TAFA2: variants seen among roughly 807,000 people sequenced by gnomAD.
TAFA2 encodes the protein TAFA chemokine like family member 2.
Under a neutral mutation model 18.8 loss-of-function variants are expected in TAFA2, and 7 were observed. That is an observed-to-expected ratio of 0.37 (90% CI 0.21 to 0.70). The LOEUF (loss-of-function observed/expected upper bound fraction) is 0.70, where lower values mean the gene tolerates loss of function less well. TAFA2 is among the 30% of genes least tolerant of loss of function. The probability of loss-of-function intolerance (pLI) is 0.53; values close to 1 mark genes in which losing one functional copy is unlikely to be tolerated. For missense variants in TAFA2, 122 were observed against 158.1 expected, an observed-to-expected ratio of 0.77 and a Z score of 1.23; for synonymous variants, 60 against 54.2, an observed-to-expected ratio of 1.11 and a Z score of -0.47.
At chr12:62,139,615 C>A (rs1338528119) in intron 1 of TAFA2, among the ~76,000 whole-genome samples, 3 of 152,172 alleles carry the variant, frequency 2.0e-5, no homozygotes, top group African/African-American at 7.2e-5. Context: ...ACCAGAGAAA[C>A]ATTTTCTCCA....
chr12:62,250,343 T>C (rs1477203066), intron 1 of TAFA2, among the ~76,000 whole-genome samples: 7 of 152,228 alleles, frequency 4.6e-5, no homozygotes, highest in African/African-American at 1.7e-4. Flanking sequence ...AATAAGGAAC[T>C]ATCTTTTCTT....
At chr12:61,884,760 G>A (rs1244679377) in intron 1 of TAFA2, among the ~76,000 whole-genome samples, 1 of 152,014 alleles carries the variant, frequency 6.6e-6, no homozygotes, top group Non-Finnish European at 1.5e-5. Context: ...AAACTACTAT[G>A]CAATATGTTT....
At chr12:62,093,855 C>G (rs1868829124) in intron 1 of TAFA2, among the ~76,000 whole-genome samples, 2 of 152,086 alleles carry the variant, frequency 1.3e-5, no homozygotes, top group South Asian at 4.1e-4. Context: ...GTAATACCAT[C>G]ATGAATCCAA....
chr12:61,975,784 G>T (rs1020144331), intron 1 of TAFA2, among the ~76,000 whole-genome samples: 1 of 151,636 alleles, frequency 6.6e-6, no homozygotes, highest in African/African-American at 2.4e-5. Flanking sequence ...AGACTAATAA[G>T]TTCTGGAAAC....
At chr12:61,773,421 A>G (rs548379314) in intron 2 of TAFA2, among the ~76,000 whole-genome samples, 1 of 152,206 alleles carries the variant, frequency 6.6e-6, no homozygotes, top group South Asian at 2.1e-4. Flanking sequence ...CAAAAGGAAC[A>G]AATCTGGAGC....
intron 1 of TAFA2, among the ~76,000 whole-genome samples, chr12:61,908,102 TA>T (rs1284896098): frequency 6.6e-6 from 1 of 152,278 alleles, no homozygotes; most frequent in East Asian, 1.9e-4. Context: ...TGGAATGAAT[TA>T]AGACTTTGGG....
chr12:61,836,162 A>G (rs1372638283), intron 2 of TAFA2, among the ~76,000 whole-genome samples: 1 of 151,924 alleles, frequency 6.6e-6, no homozygotes, highest in African/African-American at 2.4e-5. Context: ...CCCCAAACCT[A>G]TTTATATCAG....
Position 62,256,269 on chromosome 12 carries a change from CAA to C in TAFA2, c.-130+2492_-130+2493del, listed in dbSNP as rs57674252. Among the ~76,000 whole-genome samples the C allele has an allele frequency of 4.3e-5, 6 of 138,964 alleles. No homozygotes were observed. The South Asian group carries it at 6.8e-4, about 16-fold the overall frequency. 91.2% of individuals were successfully genotyped at this position (138,964 alleles called of 152,430 possible). ...GGGCAACAGAGTGAGACTCCATCTC[CAA>C]AAAAAAAAAGGATATAAAGTAGGAA... On this transcript the variant is annotated intron_variant, in intron 1 of 5. Coordinates refer to the TAFA2 transcript ENST00000551619.
intron 1 of TAFA2, among the ~76,000 whole-genome samples, chr12:61,868,340 A>T (rs1388505125): frequency 6.6e-6 from 1 of 152,150 alleles, no homozygotes; most frequent in Non-Finnish European, 1.5e-5. Flanking sequence ...TCTTGCATTA[A>T]TCACTGGGGG....
intron 1 of TAFA2, among the ~76,000 whole-genome samples, chr12:62,124,704 G>T (rs1031566439): frequency 7.2e-5 from 11 of 152,170 alleles, no homozygotes; most frequent in Middle Eastern, 3.4e-3. Context: ...CCTTAAGATA[G>T]GCTAGTATTC....
intron 1 of TAFA2, among the ~76,000 whole-genome samples, chr12:62,256,660 T>G (rs2062940581): frequency 6.6e-6 from 1 of 152,238 alleles, no homozygotes; most frequent in South Asian, 2.1e-4. Context: ...TAAAAGGCAG[T>G]GTTTTCATCT....
intron 1 of TAFA2, among the ~76,000 whole-genome samples, chr12:62,092,217 T>C (rs1868745362): frequency 6.6e-6 from 1 of 152,042 alleles, no homozygotes. Context: ...GAACAGATTG[T>C]CCTATTAAAC....
At position 61,826,633 on chromosome 12, in the gene TAFA2, TTC is replaced by T. The variant is rs368196743; in HGVS notation, c.106+40685_106+40686del. ...GCTTTTTGGCTCAGGAGATACTAATTTCCCAGTGACCAGAGTATCTCACCTTA... is the reference window on the plus strand; with the variant it reads ...GCTTTTTGGCTCAGGAGATACTAATTCCAGTGACCAGAGTATCTCACCTTA... On this transcript the variant is annotated intron_variant, in intron 2 of 4. Transcript: ENST00000416284. Among the ~76,000 whole-genome samples the T allele has an allele frequency of 2.4e-4, 37 of 152,108 alleles. 1 individual carries two copies. In the East Asian group the frequency reaches 6.8e-3, roughly 28 times the overall value.
rs140699140 is a variant in TAFA2 at position 61,838,973 on chromosome 12, T to G, written c.106+28347A>C. The stretch of plus-strand genomic sequence containing the variant: ...GCCCCAAATATCAATAGTGCCAAGG[T>G]TGAGAAACCCTGCCTTAGGGGGAAA... On this transcript the variant is annotated intron_variant, in intron 2 of 4. Coordinates refer to ENST00000416284, the MANE Select transcript of TAFA2 (RefSeq NM_178539.5). Among the ~76,000 whole-genome samples the G allele has an allele frequency of 7.9e-4, 120 of 152,202 alleles. 1 individual carries two copies. The highest frequency in any genetic ancestry group is 2.6e-3 in the Admixed American group (40 of 15,258).
In TAFA2 at chr12:62,198,165, C is replaced by T. The variant is rs191318101; in HGVS notation, c.-130+60598G>A. The T allele has an allele frequency of 1.1e-4, 17 of 151,586 alleles. No homozygotes were observed. The East Asian group carries it at 1.5e-3, about 14-fold the overall frequency. The allele number at this position is 151,586 out of a possible 1,614,324, so 9.4% of individuals were successfully genotyped here. ...TCCCCACAACATCTCATAAAGCAGA[C>T]GATATAAACCCACTTATCACATGAA... On this transcript the variant is annotated intron_variant, in intron 1 of 5. Transcript: ENST00000551619.
chr12:61,770,927 G>A (rs926006786), intron 2 of TAFA2, among the ~76,000 whole-genome samples: 2 of 151,940 alleles, frequency 1.3e-5, no homozygotes, highest in Non-Finnish European at 2.9e-5. Context: ...TGGCCTAAAT[G>A]TTCCACTTAA....
intron 2 of TAFA2, among the ~76,000 whole-genome samples, chr12:61,848,062 G>A (rs982321943): frequency 2.1e-4 from 32 of 152,128 alleles, no homozygotes; most frequent in African/African-American, 7.7e-4. Flanking sequence ...TAACCTTCCA[G>A]TGAGTTAGCT....
chr12:61,764,687 T>A (rs1869712565), intron 2 of TAFA2, among the ~76,000 whole-genome samples: 1 of 152,128 alleles, frequency 6.6e-6, no homozygotes, highest in South Asian at 2.1e-4. Context: ...ATGAAGACAA[T>A]CTTTTAAACC....
At chr12:62,257,772 T>TA (rs1011470554) in intron 1 of TAFA2, among the ~76,000 whole-genome samples, 3 of 152,230 alleles carry the variant, frequency 2.0e-5, no homozygotes, top group Admixed American at 6.5e-5. Flanking sequence ...TAAGCAGATA[T>TA]AATCCCTGAT....
Sources: allele counts gnomAD v4.1 joint callset (sites outside exome capture counted in the v4.1 genomes callset), GRCh38; gene constraint gnomAD v4.1.1; transcripts MANE v1.5; gene names NCBI Gene and HGNC (gene_info 2026-07-23, HGNC 2026-07-21).